Variants in DNAH6 observed in about 807,000 individuals in gnomAD.
DNAH6 encodes the protein axonemal beta dynein heavy chain 6.
In DNAH6, 340 loss-of-function variants were observed where a neutral mutation model predicts 491.4. That is an observed-to-expected ratio of 0.69 (90% CI 0.63 to 0.76). DNAH6 has a LOEUF of 0.76. Among genes scored for constraint, DNAH6 ranks in the 30% least tolerant of loss-of-function variants. The pLI, the probability that DNAH6 is intolerant of heterozygous loss-of-function variation, is 0.00. For synonymous variants in DNAH6, 1,603 were observed against 1,686.1 expected (o/e 0.95, Z 1.21); for missense variants, 4,443 against 4,972.2 (o/e 0.89, Z 3.20).
chr2:84,637,127 G>C, intron 30 of DNAH6, 83 bp from the exon 31 acceptor site: 1 of 1,200,158 alleles, frequency 8.3e-7, no homozygotes, highest in Non-Finnish European at 1.1e-6. Context: ...TTCATTACAT[G>C]AGTCTTGTAT....
intron 37 of DNAH6, among the ~76,000 whole-genome samples, chr2:84,665,334 A>C (rs1691991402): frequency 6.6e-6 from 1 of 152,178 alleles, no homozygotes; most frequent in Non-Finnish European, 1.5e-5. Context: ...AAAGATCAAC[A>C]AAATTGATAG....
At chr2:84,630,403 T>G (rs1688293254) in intron 29 of DNAH6, among the ~76,000 whole-genome samples, 1 of 152,142 alleles carries the variant, frequency 6.6e-6, no homozygotes, top group Non-Finnish European at 1.5e-5. Context: ...AAATTAAACT[T>G]CAACCTAATG....
chr2:84,605,540 C>T lies in DNAH6; in HGVS notation c.3122C>T (p.Pro1041Leu), dbSNP rs1212596424. ...SWKTTEFVILPHRDSKDVFIL... is the reference protein window; with the variant it reads ...SWKTTEFVILLHRDSKDVFIL... ...AAAACAACTGAATTTGTCATTCTGC[C>T]TCACCGTGACTCCAAAGATGTGTTT... Residue 1041 changes from proline to leucine, a missense_variant, in exon 20 of 77, where the codon CCT (proline) becomes CTT (leucine). Physicochemically the swap from Pro to Leu is moderately conservative, Grantham distance 98. Coordinates refer to ENST00000389394, the MANE Select transcript of DNAH6 (RefSeq NM_001370.2). 9 of 1,551,416 alleles carry T rather than the reference C, an allele frequency of 5.8e-6. No individual in the cohort carries two copies. Among genetic ancestry groups the T allele is most frequent in the Non-Finnish European group, 3.5e-6 (4 of 1,146,876 alleles).
intron 64 of DNAH6, among the ~76,000 whole-genome samples, chr2:84,776,337 C>T (rs1676120152): frequency 6.6e-6 from 1 of 152,196 alleles, no homozygotes; most frequent in African/African-American, 2.4e-5. Context: ...TCATACTGAC[C>T]AGTTTAGGAC....
chr2:84,694,450 G>A lies in DNAH6; in HGVS notation c.7494G>A (p.Lys2498=), dbSNP rs1695186066. The A allele has an allele frequency of 1.3e-6, 2 of 1,551,888 alleles. No homozygotes were observed. Among genetic ancestry groups the A allele is most frequent in the Middle Eastern group, 1.7e-4 (1 of 5,994 alleles). The change falls in exon 46 of 77, where the codon AAG becomes AAA. Residue 2498 remains lysine, a synonymous_variant. Transcript: ENST00000389394. ...KLYKMAGVED[K]NMVFLFTDTQ... Reference sequence around the variant, plus strand: ...ACAAAATGGCTGGTGTAGAAGACAAGAATATGGTTTTCCTTTTCACTGACA... The same window carrying A: ...ACAAAATGGCTGGTGTAGAAGACAAAAATATGGTTTTCCTTTTCACTGACA...
chr2:84,760,601 TGAGATATTATCATACCCCAGTTA>T (rs2105123551), intron 63 of DNAH6, among the ~76,000 whole-genome samples: 1 of 152,052 alleles, frequency 6.6e-6, no homozygotes, highest in South Asian at 2.1e-4. Flanking sequence ...AAAACCACAA[TGAGATATTATCATACCCCAGTTA>T]GAATAGCTAT....
In DNAH6 at chr2:84,713,343, G is replaced by A. The variant is rs370220246; in HGVS notation, c.9543+84G>A. The stretch of plus-strand genomic sequence containing the variant: ...TCTGAAGTTTGATGGGCTCCCACCC[G>A]GAGGGAAAGTGCTCCCCCATTCTCC... On this transcript the variant is annotated intron_variant, in intron 57 of 76. Transcript: ENST00000389394. 252 of 1,387,442 alleles carry A rather than the reference G, an allele frequency of 1.8e-4. 4 individuals are homozygous for A. In the South Asian group the frequency reaches 2.2e-3, roughly 12 times the overall value. The allele number at this position is 1,387,442 out of a possible 1,614,324, so 85.9% of individuals were successfully genotyped here.
At chr2:84,506,075 G>C in the DNAH6 span, among the ~76,000 whole-genome samples, 1 of 152,204 alleles carries the variant, frequency 6.6e-6, no homozygotes, top group Non-Finnish European at 1.5e-5. Context: ...TATATACCCA[G>C]TAATGGGATT....
upstream of DNAH6, among the ~76,000 whole-genome samples, chr2:84,512,174 G>A (rs796217313): frequency 3.9e-5 from 6 of 152,172 alleles, no homozygotes; most frequent in African/African-American, 1.4e-4. Context: ...TAGTCCCTTA[G>A]TCAATTTGGT....
chr2:84,596,616 C>A (rs566011043), intron 18 of DNAH6, among the ~76,000 whole-genome samples: 42 of 151,684 alleles, frequency 2.8e-4, no homozygotes, highest in African/African-American at 9.2e-4. Flanking sequence ...CAGGCGTGAG[C>A]CACTGCGCCT....
chr2:84,499,391 A>G, the DNAH6 span, among the ~76,000 whole-genome samples: 2 of 152,160 alleles, frequency 1.3e-5, no homozygotes, highest in Non-Finnish European at 2.9e-5. Flanking sequence ...TTTTATGGCT[A>G]AATAGTACTC....
chr2:84,469,435 C>T, the DNAH6 span, among the ~76,000 whole-genome samples: 1 of 152,300 alleles, frequency 6.6e-6, no homozygotes, highest in Admixed American at 6.5e-5. This position sits in a 1 kb window ranked among gnomAD's most constrained non-coding sequence, Gnocchi z 4.0. Context: ...CTTAAATTTG[C>T]CCCTAGATGG....
chr2:84,806,510 T>G (rs1035258818), intron 71 of DNAH6, among the ~76,000 whole-genome samples: 1 of 151,060 alleles, frequency 6.6e-6, no homozygotes, highest in East Asian at 1.9e-4. Flanking sequence ...TCCCAGCTAC[T>G]CTGGAGGCTG....
rs1011661434 is a variant in DNAH6 at position 84,681,656 on chromosome 2, T to C, written c.6916+128T>C. On this transcript the variant is annotated intron_variant, in intron 42 of 76. Coordinates refer to ENST00000389394, the MANE Select transcript of DNAH6 (RefSeq NM_001370.2). ...ACCCAGAAATCCCATCACCTGTTCC[T>C]ATTCAGGCTGAGTGCTTCACAACTA... 4 of 744,474 alleles carry C rather than the reference T, an allele frequency of 5.4e-6. No individual in the cohort carries two copies. In the African/African-American group the frequency reaches 7.3e-5, roughly 14 times the overall value. 46.1% of individuals were successfully genotyped at this position (744,474 alleles called of 1,614,324 possible).
chr2:84,763,010 C>G, intron 64 of DNAH6, 65 bp downstream of exon 64: 1 of 1,302,650 alleles, frequency 7.7e-7, no homozygotes, highest in East Asian at 2.5e-5. Context: ...TTAAAATTTG[C>G]CTTTGTTCTT....
chr2:84,573,356 C>T (rs1029736975), intron 11 of DNAH6, 111 bp from the exon 12 acceptor site: 4 of 831,260 alleles, frequency 4.8e-6, no homozygotes, highest in Non-Finnish European at 7.4e-6. Flanking sequence ...TCAAAACATA[C>T]TATTGGGCAT....
chr2:84,577,315 A>G lies in DNAH6; in HGVS notation c.1983A>G (p.Val661=), dbSNP rs1463945594. The G allele has an allele frequency of 6.8e-6, 11 of 1,609,768 alleles. No homozygotes were observed. The highest frequency in any genetic ancestry group is 1.1e-5 in the South Asian group (1 of 89,728). The change falls in exon 13 of 77, where the codon GTA becomes GTG. Residue 661 remains valine (V), a synonymous_variant. Coordinates refer to ENST00000389394, the MANE Select transcript of DNAH6 (RefSeq NM_001370.2). ...ATCACAAACAGCACAAGGACGCAGT[A>G]GCGCTCAGACCCACCAGAAATGTAG... ...EKYHKQHKDA[V]ALRPTRNVGL...
intron 11 of DNAH6, among the ~76,000 whole-genome samples, chr2:84,563,850 T>C (rs551278731): frequency 6.6e-6 from 1 of 152,328 alleles, no homozygotes; most frequent in East Asian, 1.9e-4. Flanking sequence ...AAATCTTTAA[T>C]CCATCTTGAG....
At chr2:84,787,418 TG>T in intron 68 of DNAH6, 116 bp downstream of exon 68, 1 of 721,962 alleles carries the variant, frequency 1.4e-6, no homozygotes, top group Non-Finnish European at 2.2e-6. Context: ...GTGGTGATGA[TG>T]ATATTTTATG....
Sources: gnomAD v4.1 joint callset for allele counts (sites outside exome capture counted in the v4.1 genomes callset) on GRCh38, gnomAD v4.1.1 for gene constraint, Gnocchi (gnomAD v3.1) non-coding constraint, MANE v1.5 for transcripts, NCBI Gene and HGNC (gene_info 2026-07-23, HGNC 2026-07-21) for gene names.